The following HLF variants were observed in gnomAD, a reference collection of about 807,000 sequenced individuals.
The protein encoded by HLF is HLF transcription factor, PAR bZIP family member.
A neutral mutation model predicts 22.6 loss-of-function variants in HLF; 3 were observed. The observed-to-expected ratio is 0.13, with a 90% CI of 0.06 to 0.34. The LOEUF is 0.34. Among genes scored for constraint, HLF ranks in the 10% least tolerant of loss-of-function variants. The probability of loss-of-function intolerance (pLI) is 1.00; values close to 1 mark genes in which losing one functional copy is unlikely to be tolerated. For missense variants in HLF, 299 were observed against 389.2 expected, an observed-to-expected ratio of 0.77 and a Z score of 1.95; for synonymous variants, 151 against 151.8, an observed-to-expected ratio of 0.99 and a Z score of 0.04.
Position 55,291,045 on chromosome 17 carries a change from A to G in HLF, c.451+22959A>G, listed in dbSNP as rs768053287. Among the ~76,000 whole-genome samples, 5 of 152,228 alleles carry G rather than the reference A, an allele frequency of 3.3e-5. No individual in the cohort carries two copies. In the East Asian group the frequency reaches 7.7e-4, roughly 23 times the overall value. Reference sequence around the variant, plus strand: ...GAAGGCTGAGAGAGGTAAGGAAGCTACAGAAGAAAGGTTTGAGCTAGCAGA... The same window carrying G: ...GAAGGCTGAGAGAGGTAAGGAAGCTGCAGAAGAAAGGTTTGAGCTAGCAGA... On this transcript the variant is annotated intron_variant, in intron 2 of 3. Coordinates refer to ENST00000226067, the MANE Select transcript of HLF (RefSeq NM_002126.5).
rs966692653 is a variant in HLF at position 55,319,330 on chromosome 17, G to A, written c.673-1334G>A. ...CCTCCTTCAATGCCAACTGCCCCTT[G>A]GAATTCTGAGGGGTGCAAGCACTGG... On this transcript the variant is annotated intron_variant, in intron 3 of 3. Transcript: ENST00000226067. 8.5e-5 allele frequency among the ~76,000 whole-genome samples: 13 copies of A among 152,170 alleles called. 1 individual carries two copies. The highest frequency in any genetic ancestry group is 6.8e-3 in the Middle Eastern group (2 of 294).
At chr17:55,289,347 C>T (rs1454576998) in intron 2 of HLF, among the ~76,000 whole-genome samples, 1 of 152,124 alleles carries the variant, frequency 6.6e-6, no homozygotes, top group African/African-American at 2.4e-5. Context: ...TTTGCAGTGC[C>T]CTCAATATCG....
intron 3 of HLF, chr17:55,319,103 T>C (rs1337692456): frequency 6.6e-6 from 1 of 152,246 alleles, no homozygotes; most frequent in Non-Finnish European, 1.5e-5. Context: ...CATATTGTTA[T>C]GAAATGTATA....
intron 2 of HLF, among the ~76,000 whole-genome samples, chr17:55,279,385 C>G (rs559108223): frequency 6.6e-6 from 1 of 152,088 alleles, no homozygotes; most frequent in Non-Finnish European, 1.5e-5. Flanking sequence ...ATTTTATGAT[C>G]ATTTTATCTT....
At chr17:55,284,523 G>A (rs2080984263) in intron 2 of HLF, among the ~76,000 whole-genome samples, 1 of 152,214 alleles carries the variant, frequency 6.6e-6, no homozygotes. Context: ...CTGGGCCTGG[G>A]AGTCGCTCAT....
At chr17:55,306,234 GAT>G (rs996664645) in intron 2 of HLF, among the ~76,000 whole-genome samples, 1 of 152,110 alleles carries the variant, frequency 6.6e-6, no homozygotes, top group African/African-American at 2.4e-5. Context: ...AAAAATTGCT[GAT>G]ATTGATTATT....
At chr17:55,297,812 C>T (rs1020506240) in intron 2 of HLF, among the ~76,000 whole-genome samples, 8 of 140,242 alleles carry the variant, frequency 5.7e-5, no homozygotes, top group East Asian at 2.1e-4. Flanking sequence ...TGCAATGGCG[C>T]GACCTCAGCT....
At chr17:55,294,067 A>C (rs901598084) in intron 2 of HLF, among the ~76,000 whole-genome samples, 1 of 152,164 alleles carries the variant, frequency 6.6e-6, no homozygotes, top group Admixed American at 6.5e-5. Flanking sequence ...GTCTTAAAAG[A>C]GAAGCACCAT....
intron 2 of HLF, among the ~76,000 whole-genome samples, chr17:55,287,591 A>G (rs2081017471): frequency 6.6e-6 from 1 of 152,212 alleles, no homozygotes; most frequent in African/African-American, 2.4e-5. Context: ...GACAGTTATT[A>G]TTCAGAAAGG....
intron 2 of HLF, chr17:55,273,052 A>C (rs1006072533): frequency 1.3e-5 from 2 of 152,202 alleles, no homozygotes; most frequent in African/African-American, 4.8e-5. Flanking sequence ...GCTGACATTC[A>C]CAGGATAGTA....
At chr17:55,295,552 CGTG>C (rs1047035095) in intron 2 of HLF, among the ~76,000 whole-genome samples, 5 of 152,216 alleles carry the variant, frequency 3.3e-5, no homozygotes, top group Non-Finnish European at 5.9e-5. Flanking sequence ...ACGTCTCAAA[CGTG>C]GTGTTTAAAG....
chr17:55,303,044 A>G (rs1904372771), intron 2 of HLF, among the ~76,000 whole-genome samples: 1 of 152,226 alleles, frequency 6.6e-6, no homozygotes, highest in Admixed American at 6.5e-5. Context: ...CAGATGCAGA[A>G]TGTTGACAAA....
intron 2 of HLF, among the ~76,000 whole-genome samples, chr17:55,287,480 AC>A (rs1220835731): frequency 1.3e-5 from 2 of 152,104 alleles, no homozygotes; most frequent in Non-Finnish European, 2.9e-5. Flanking sequence ...TAAGGCATCT[AC>A]CCCCTGCCTG....
At chr17:55,270,656 CTTTTTTTTTTTT>C (rs10712714) in intron 2 of HLF, among the ~76,000 whole-genome samples, 1 of 84,748 alleles carries the variant, frequency 1.2e-5, no homozygotes, top group Non-Finnish European at 2.4e-5. Flanking sequence ...TTGGGTAAAT[CTTTTTTTTTTTT>C]TTTTTTTTTT....
intron 2 of HLF, among the ~76,000 whole-genome samples, chr17:55,310,632 T>C (rs1484790576): frequency 2.0e-5 from 3 of 152,296 alleles, no homozygotes; most frequent in African/African-American, 7.2e-5. Context: ...GCTAATGCAG[T>C]GAGACTGAAA....
In HLF at chr17:55,267,858, C is replaced by G. The variant is rs1300830429; in HGVS notation, c.223C>G (p.Pro75Ala). The change falls in exon 2 of 4, where the codon CCC becomes GCC. Residue 75 changes from proline (P) to alanine (A), a missense_variant. By Grantham distance (27) the Pro-to-Ala change is conservative. Coordinates refer to ENST00000226067, the MANE Select transcript of HLF (RefSeq NM_002126.5). ...GCCTACCTTATGGGACAAAACCCTT[C>G]CCTATGACGGAGATACTTTCCAGTT... ...LGPTLWDKTL[P>A]YDGDTFQLEY... is the part of the protein sequence containing the mutation. 1.2e-6 allele frequency: 2 copies of G among 1,613,960 alleles called. No homozygotes were observed. The highest frequency in any genetic ancestry group is 2.2e-5 in the East Asian group (1 of 44,890).
chr17:55,296,373 A>G (rs566524439), intron 2 of HLF, among the ~76,000 whole-genome samples: 1 of 152,306 alleles, frequency 6.6e-6, no homozygotes, highest in East Asian at 1.9e-4. Flanking sequence ...GAGTTCCCAT[A>G]TTCCATTTCC....
At position 55,322,100 on chromosome 17, in the gene HLF, T is replaced by C. The variant is rs548851050; in HGVS notation, c.*1221T>C. The C allele has an allele frequency of 1.9e-5, 4 of 208,232 alleles. No individual in the cohort carries two copies. The East Asian group carries it at 2.9e-4, about 15-fold the overall frequency. The allele number at this position is 208,232 out of a possible 1,614,324, so 12.9% of individuals were successfully genotyped here. A position where few individuals can be genotyped will look rare whatever the true frequency, so the allele number is the denominator to read the frequency against. On this transcript the variant is annotated 3_prime_UTR_variant, in exon 4 of 4. Transcript: ENST00000226067. ...CATTTTTGAATGCCTCATAAATTAA[T>C]GATTCTGAAGCTTATGTTTCTTATT... is the stretch of plus-strand genomic sequence containing the variant.
At chr17:55,299,689 C>T (rs1337258597) in intron 2 of HLF, among the ~76,000 whole-genome samples, 3 of 152,198 alleles carry the variant, frequency 2.0e-5, no homozygotes, top group African/African-American at 7.2e-5. Flanking sequence ...ATCTTCCCAC[C>T]TTAGCCTCCC....
Sources: allele counts gnomAD v4.1 joint callset (sites outside exome capture counted in the v4.1 genomes callset), GRCh38; gene constraint gnomAD v4.1.1; transcripts MANE v1.5; gene names NCBI Gene and HGNC (gene_info 2026-07-23, HGNC 2026-07-21).